SLC9C1: variants seen among roughly 807,000 people sequenced by gnomAD.
SLC9C1 encodes sodium/hydrogen exchanger 10.
A neutral mutation model predicts 140.9 loss-of-function variants in SLC9C1; 97 were observed. The ratio of observed to expected loss-of-function variants is 0.69; its 90% CI spans 0.58 to 0.82. The LOEUF (loss-of-function observed/expected upper bound fraction) is 0.82. Ranked by LOEUF, SLC9C1 falls within the 40% of genes least tolerant of loss-of-function variation. The pLI is 0.00. For missense variants in SLC9C1, 1,340 were observed against 1,389.3 expected, an observed-to-expected ratio of 0.96 and a Z score of 0.56; for synonymous variants, 440 against 442.6, an observed-to-expected ratio of 0.99 and a Z score of 0.07.
intron 7 of SLC9C1, among the ~76,000 whole-genome samples, chr3:112,267,118 C>T (rs905912480): frequency 6.6e-6 from 1 of 151,978 alleles, no homozygotes. Context: ...TCTCTACAAA[C>T]AATTTTAAAA....
At chr3:112,176,005 A>G (rs1395946648) in intron 23 of SLC9C1, among the ~76,000 whole-genome samples, 1 of 152,246 alleles carries the variant, frequency 6.6e-6, no homozygotes, top group Non-Finnish European at 1.5e-5. Context: ...GAGTAGGTAT[A>G]GGGATCTAAC....
intron 2 of SLC9C1, 44 bp downstream of exon 2, chr3:112,286,660 T>G (rs760233542): frequency 2.7e-6 from 4 of 1,486,022 alleles, no homozygotes; most frequent in Non-Finnish European, 3.7e-6. Context: ...ATTTATAAGA[T>G]GTACCGGAAG....
intron 17 of SLC9C1, among the ~76,000 whole-genome samples, chr3:112,203,309 C>T (rs1387214472): frequency 6.6e-6 from 1 of 151,928 alleles, no homozygotes; most frequent in Admixed American, 6.6e-5. Flanking sequence ...ATTTGTTAGG[C>T]TCTGTATACC....
intron 7 of SLC9C1, 90 bp from the exon 8 acceptor site, chr3:112,266,430 A>G: frequency 9.9e-7 from 1 of 1,008,202 alleles, no homozygotes; most frequent in Non-Finnish European, 1.4e-6. Flanking sequence ...AGATGTTGTG[A>G]CAGTACCATG....
intron 20 of SLC9C1, among the ~76,000 whole-genome samples, chr3:112,187,723 T>G (rs1176105783): frequency 1.3e-5 from 2 of 152,130 alleles, no homozygotes; most frequent in Non-Finnish European, 2.9e-5. Context: ...TAGCTAAGGC[T>G]TCCTTCATTT....
Position 112,204,373 on chromosome 3 carries a change from G to A in SLC9C1, c.2017C>T (p.His673Tyr), listed in dbSNP as rs147413171. 5.5e-5 allele frequency: 86 copies of A among 1,568,322 alleles called. No individual in the cohort carries two copies. Among genetic ancestry groups the A allele is most frequent in the Non-Finnish European group, 7.2e-5 (84 of 1,164,796 alleles). ...IAAMRKDFFS[H>Y]AWNIFELAIT... ...GCTAACTCGAATATGTTCCAGGCAT[G>A]TGAAAAAAAGTCCTTCCTCATTGCT... Residue 673 changes from histidine (H) to tyrosine (Y), a missense_variant, in exon 17 of 29, where the codon CAT (histidine) becomes TAT (tyrosine). Transcript: ENST00000305815.
Position 112,280,766 on chromosome 3 carries a change from A to G in SLC9C1, c.106T>C (p.Leu36=). The G allele has an allele frequency of 6.2e-7, 1 of 1,610,978 alleles. No homozygotes were observed. Among genetic ancestry groups the G allele is most frequent in the Non-Finnish European group, 8.5e-7 (1 of 1,179,220 alleles). Residue 36 remains leucine, a synonymous_variant, in exon 3 of 29, where the codon TTG becomes CTG. Transcript: ENST00000305815. ...SSIGAFLNRH[L]EDFPIPVPVI... ...GGGACAGGAATTGGAAAGTCTTCCA[A>G]GTGCCGGTTCAAAAATGCTGCAAAA... is the stretch of plus-strand genomic sequence containing the variant.
chr3:112,204,272 T>C lies in SLC9C1; in HGVS notation c.2118A>G (p.Glu706=). 1 of 1,549,856 alleles carries C rather than the reference T, an allele frequency of 6.5e-7. No individual in the cohort carries two copies. ...DTIKYIFNET[E]VIVFIKVVQF... is the part of the protein sequence containing the mutation. Reference sequence around the variant, plus strand: ...GAACAACTTTTATAAAGACTATTACTTCAGTCTCATTAAAAATATACTTAA... The same window carrying C: ...GAACAACTTTTATAAAGACTATTACCTCAGTCTCATTAAAAATATACTTAA... The change falls in exon 17 of 29, where the codon GAA becomes GAG. Residue 706 remains glutamate (E), a synonymous_variant. Coordinates refer to ENST00000305815, the MANE Select transcript of SLC9C1 (RefSeq NM_183061.3).
chr3:112,207,636 T>C (rs1332261315), intron 16 of SLC9C1, among the ~76,000 whole-genome samples: 1 of 152,216 alleles, frequency 6.6e-6, no homozygotes, highest in Admixed American at 6.5e-5. Flanking sequence ...TTCTATGTTT[T>C]CCCTTGTTCT....
intron 27 of SLC9C1, among the ~76,000 whole-genome samples, chr3:112,153,683 G>T (rs1234963111): frequency 6.6e-6 from 1 of 152,024 alleles, no homozygotes. Flanking sequence ...TACAGAGGTG[G>T]GTATTGCTAT....
intron 20 of SLC9C1, among the ~76,000 whole-genome samples, chr3:112,194,437 C>T (rs1008488513): frequency 1.3e-5 from 2 of 152,140 alleles, no homozygotes; most frequent in Admixed American, 6.6e-5. Flanking sequence ...ACATTCCAGC[C>T]AAATCTTATT....
chr3:112,248,812 TC>T (rs1439758099), intron 10 of SLC9C1, among the ~76,000 whole-genome samples: 1 of 152,192 alleles, frequency 6.6e-6, no homozygotes, highest in East Asian at 1.9e-4. Flanking sequence ...TTTAAATAAA[TC>T]CCCTCTATCC....
At chr3:112,240,617 C>A (rs1397452331) in intron 11 of SLC9C1, among the ~76,000 whole-genome samples, 2 of 152,208 alleles carry the variant, frequency 1.3e-5, no homozygotes, top group African/African-American at 4.8e-5. Flanking sequence ...CTTCTCCTAC[C>A]TTCAGACTTT....
At chr3:112,274,528 A>G (rs1193299745) in intron 6 of SLC9C1, among the ~76,000 whole-genome samples, 1 of 152,090 alleles carries the variant, frequency 6.6e-6, no homozygotes, top group East Asian at 1.9e-4. Context: ...TTCCAGGGCA[A>G]AGGGAAGAGA....
intron 26 of SLC9C1, among the ~76,000 whole-genome samples, chr3:112,161,426 C>G (rs554679742): frequency 6.6e-6 from 1 of 152,146 alleles, no homozygotes; most frequent in African/African-American, 2.4e-5. Flanking sequence ...AGTCTTTAAT[C>G]CATTGTGAAT....
In SLC9C1 at chr3:112,240,849, C is replaced by T. The variant is rs144242623; in HGVS notation, c.1280-843G>A. Among the ~76,000 whole-genome samples the T allele has an allele frequency of 2.4e-4, 37 of 152,208 alleles. No individual in the cohort carries two copies. The East Asian group carries it at 4.6e-3, about 19-fold the overall frequency. The stretch of plus-strand genomic sequence containing the variant: ...CTGTTGTGTTTTCTGAAGATCATTA[C>T]GTTAAGTGAAATAAGCCACACACAG... On this transcript the variant is annotated intron_variant, in intron 11 of 28. Coordinates refer to ENST00000305815, the MANE Select transcript of SLC9C1 (RefSeq NM_183061.3).
At chr3:112,184,567 C>T (rs1368488241) in intron 20 of SLC9C1, among the ~76,000 whole-genome samples, 1 of 151,978 alleles carries the variant, frequency 6.6e-6, no homozygotes, top group Non-Finnish European at 1.5e-5. Context: ...ACCCGGGAGA[C>T]GGGGGTTGCA....
chr3:112,160,255 TA>T (rs2075253716), intron 26 of SLC9C1, among the ~76,000 whole-genome samples: 1 of 151,220 alleles, frequency 6.6e-6, no homozygotes, highest in East Asian at 1.9e-4. Flanking sequence ...TTTATTTATT[TA>T]TTTTTTTAAG....
At chr3:112,178,478 TCTA>T (rs2077381010) in intron 23 of SLC9C1, among the ~76,000 whole-genome samples, 1 of 152,330 alleles carries the variant, frequency 6.6e-6, no homozygotes, top group East Asian at 1.9e-4. Context: ...AGGTTATTTG[TCTA>T]CAGACTCTTC....
Sources: allele counts gnomAD v4.1 joint callset (sites outside exome capture counted in the v4.1 genomes callset), GRCh38; gene constraint gnomAD v4.1.1; transcripts MANE v1.5; gene names NCBI Gene and HGNC (gene_info 2026-07-23, HGNC 2026-07-21).